Variants in DDX43 observed in about 807,000 individuals in gnomAD.
The protein encoded by DDX43 is DEAD-box helicase 43, also known as probable ATP-dependent RNA helicase DDX43.
Under a neutral mutation model 84.9 loss-of-function variants are expected in DDX43, and 50 were observed. The observed-to-expected ratio is 0.59, with a 90% confidence interval of 0.47 to 0.75. The LOEUF (loss-of-function observed/expected upper bound fraction) is 0.75. Ranked by LOEUF, DDX43 falls within the 30% of genes least tolerant of loss-of-function variation. The pLI is 0.00. For missense variants in DDX43, 689 were observed against 798.6 expected (o/e 0.86, Z 1.65); for synonymous variants, 291 against 266.3 (o/e 1.09, Z -0.90).
At position 73,407,598 on chromosome 6, in the gene DDX43, A is replaced by G; in HGVS notation, c.1020A>G (p.Ser340=). ...TAGAAGGAGAATGTTGCAAATATTC[A>G]TATAAAGGGCTTCGGAGGTAAGTAA... ...LQVEGECCKY[S]YKGLRSVCVY... The change falls in exon 8 of 17, where the codon TCA becomes TCG. Residue 340 remains serine, a synonymous_variant. Coordinates refer to ENST00000370336, the MANE Select transcript of DDX43 (RefSeq NM_018665.3). 1 of 1,611,534 alleles carries G rather than the reference A, an allele frequency of 6.2e-7. No individual in the cohort carries two copies. Among genetic ancestry groups the G allele is most frequent in the Non-Finnish European group, 8.5e-7 (1 of 1,177,794 alleles).
At chr6:73,407,669 A>G (rs1769709779) in intron 8 of DDX43, 54 bp downstream of exon 8, 11 of 1,212,150 alleles carry the variant, frequency 9.1e-6, no homozygotes, top group Admixed American at 7.2e-5. Flanking sequence ...AATCATTTGT[A>G]GCTTTACACA....
Position 73,417,388 on chromosome 6 carries a change from A to C in DDX43, c.*227A>C, listed in dbSNP as rs1769924464. The C allele has an allele frequency of 6.6e-6, 1 of 152,212 alleles. No individual in the cohort carries two copies. The highest frequency in any genetic ancestry group is 6.5e-5 in the Admixed American group (1 of 15,278). The allele number at this position is 152,212 out of a possible 1,614,324, so 9.4% of individuals were successfully genotyped here. ...GATTTTTATTAAGGAGTGTAGCATT[A>C]GAATGTTTTTCTTTTAATCTTTTAA... On this transcript the variant is annotated 3_prime_UTR_variant, in exon 17 of 17. Transcript: ENST00000370336.
Position 73,395,038 on chromosome 6 carries a change from G to A in DDX43, c.133G>A (p.Val45Ile), listed in dbSNP as rs1324422588. The A allele has an allele frequency of 6.2e-7, 1 of 1,614,116 alleles. No individual in the cohort carries two copies. The highest frequency in any genetic ancestry group is 1.3e-5 in the African/African-American group (1 of 74,948). The change falls in exon 1 of 17, where the codon GTC (valine) becomes ATC (isoleucine). Residue 45 changes from valine to isoleucine, a missense_variant. Coordinates refer to ENST00000370336, the MANE Select transcript of DDX43 (RefSeq NM_018665.3). ...TCGAACAGGTCCTGAGGGATATAGT[G>A]TCGGCAGAGGTGGTCGCTGGAGAGG... ...LNRTGPEGYS[V>I]GRGGRWRGTS...
At position 73,412,254 on chromosome 6, in the gene DDX43, G is replaced by C. The variant is rs745817387; in HGVS notation, c.1330G>C (p.Glu444Gln). ...TCGCCTCGCACAATCTTATTTGAAAGAACCAATGATTGTCTATGTTGGTAC... is the reference window on the plus strand; with the variant it reads ...TCGCCTCGCACAATCTTATTTGAAACAACCAATGATTGTCTATGTTGGTAC... ...VHRLAQSYLKEPMIVYVGTLD... is the reference protein window; with the variant it reads ...VHRLAQSYLKQPMIVYVGTLD... Residue 444 changes from glutamate to glutamine, a missense_variant, in exon 11 of 17, where the codon GAA becomes CAA. Glu to Gln is a conservative substitution (Grantham distance 29). Around this residue, in one of 2 missense-constraint regions of DDX43, gnomAD observed 552 missense variants for 692.7 expected, o/e 0.80. Transcript: ENST00000370336. 1 of 1,613,720 alleles carries C rather than the reference G, an allele frequency of 6.2e-7. No individual in the cohort carries two copies. Among genetic ancestry groups the C allele is most frequent in the Admixed American group, 1.7e-5 (1 of 59,944 alleles).
intron 1 of DDX43, 29 bp downstream of exon 1, chr6:73,395,184 G>T: frequency 6.3e-7 from 1 of 1,579,426 alleles, no homozygotes; most frequent in Non-Finnish European, 8.6e-7. Flanking sequence ...GGCAGGGCAG[G>T]ATAGGTGGGG....
intron 16 of DDX43, among the ~76,000 whole-genome samples, chr6:73,416,594 A>G (rs1769908743): frequency 6.6e-6 from 1 of 152,250 alleles, no homozygotes; most frequent in African/African-American, 2.4e-5. Flanking sequence ...GCTTAGAGAA[A>G]TAAGCCAATT....
chr6:73,397,767 C>T, intron 2 of DDX43, 23 bp downstream of exon 2: 1 of 1,605,646 alleles, frequency 6.2e-7, no homozygotes, highest in Non-Finnish European at 8.5e-7. Context: ...TGTTTTTCGG[C>T]CCTTAAGAGA....
rs1274779484 is a variant in DDX43 at position 73,397,704 on chromosome 6, A to G, written c.266A>G (p.Lys89Arg). 1.9e-6 allele frequency: 3 copies of G among 1,613,620 alleles called. No individual in the cohort carries two copies. Among genetic ancestry groups the G allele is most frequent in the Non-Finnish European group, 2.5e-6 (3 of 1,179,578 alleles). ...TTAAAAACAGGTCGTGGTGGGTCAA[A>G]AATAAAGAATATACAAAGTACAACA... The part of the protein sequence containing the change: ...VGAVIGRGGS[K>R]IKNIQSTTNT... Residue 89 changes from lysine (K) to arginine (R), a missense_variant, in exon 2 of 17, where the codon AAA (lysine) becomes AGA (arginine). Around this residue, in one of 2 missense-constraint regions of DDX43, gnomAD observed 552 missense variants for 692.7 expected, o/e 0.80. Transcript: ENST00000370336.
In DDX43 at chr6:73,398,812, A is replaced by C. The variant is rs1455902335; in HGVS notation, c.306+1068A>C. On this transcript the variant is annotated intron_variant, in intron 2 of 16. Coordinates refer to ENST00000370336, the MANE Select transcript of DDX43 (RefSeq NM_018665.3). ...TCCACATTGGTATTTCCTTATTCTC[A>C]TTCACCGCTAGGTCTTGACTATTTC... 2.6e-5 allele frequency among the ~76,000 whole-genome samples: 4 copies of C among 152,240 alleles called. No individual in the cohort carries two copies. The East Asian group carries it at 7.7e-4, about 29-fold the overall frequency.
chr6:73,400,701 A>G (rs886345740), intron 3 of DDX43, among the ~76,000 whole-genome samples: 1 of 152,202 alleles, frequency 6.6e-6, no homozygotes, highest in Non-Finnish European at 1.5e-5. Context: ...GTTAGTGGGT[A>G]GAGTAAGGAT....
intron 6 of DDX43, 112 bp downstream of exon 6, chr6:73,405,947 T>C (rs1325651325): frequency 6.1e-6 from 6 of 990,316 alleles, no homozygotes; most frequent in Non-Finnish European, 8.5e-6. Context: ...ACCAGCACCT[T>C]CTCCCTAGAG....
chr6:73,409,075 G>A (rs1264658663), intron 9 of DDX43, among the ~76,000 whole-genome samples, 173 bp from the exon 10 acceptor site: 2 of 152,210 alleles, frequency 1.3e-5, no homozygotes, highest in Non-Finnish European at 2.9e-5. Context: ...CATGTAGACA[G>A]TGTACAATGA....
intron 10 of DDX43, among the ~76,000 whole-genome samples, chr6:73,411,475 C>T (rs140403159): frequency 5.3e-5 from 8 of 150,106 alleles, no homozygotes; most frequent in Non-Finnish European, 8.9e-5. Flanking sequence ...ATTATAGGCA[C>T]GCACCACCAC....
chr6:73,408,834 G>T (rs763006644), intron 9 of DDX43, among the ~76,000 whole-genome samples: 2 of 152,178 alleles, frequency 1.3e-5, no homozygotes, highest in African/African-American at 4.8e-5. Context: ...GGGATGACAG[G>T]CGTGACCCAA....
intron 1 of DDX43, among the ~76,000 whole-genome samples, chr6:73,397,098 G>C (rs1300942833): frequency 3.3e-5 from 5 of 152,178 alleles, no homozygotes. Context: ...TGGATCATAT[G>C]TTAATTCTGT....
At chr6:73,414,320 C>T (rs1769862141) in intron 13 of DDX43, among the ~76,000 whole-genome samples, 1 of 152,126 alleles carries the variant, frequency 6.6e-6, no homozygotes, top group South Asian at 2.1e-4. Flanking sequence ...CTGAAGTTAT[C>T]TGAAAAATGT....
intron 10 of DDX43, among the ~76,000 whole-genome samples, chr6:73,409,848 T>A (rs560971820): frequency 2.0e-5 from 3 of 152,116 alleles, no homozygotes; most frequent in Non-Finnish European, 4.4e-5. Context: ...CTGGCCAACA[T>A]GGTGAAACCT....
chr6:73,398,219 C>A (rs1769508889), intron 2 of DDX43, among the ~76,000 whole-genome samples: 1 of 152,012 alleles, frequency 6.6e-6, no homozygotes, highest in South Asian at 2.1e-4. Context: ...TTAAGCTGTT[C>A]CAGGTGTAGG....
rs538597626 is a variant in DDX43 at position 73,412,668 on chromosome 6, T to TGTGTGTGTGTGTGTGTGTGTGC, written c.1368+377_1368+378insTGTGTGTGTGTGTGTGTGTGCG. 2.3e-3 allele frequency among the ~76,000 whole-genome samples: 245 copies of TGTGTGTGTGTGTGTGTGTGTGC among 108,376 alleles called. 3 individuals carry two copies. Among genetic ancestry groups the TGTGTGTGTGTGTGTGTGTGTGC allele is most frequent in the African/African-American group, 4.5e-3 (114 of 25,264 alleles). The allele number at this position is 108,376 out of a possible 152,430, so 71.1% of individuals were successfully genotyped here. A position where few individuals can be genotyped will look rare whatever the true frequency, so the allele number is the denominator to read the frequency against. On this transcript the variant is annotated intron_variant, in intron 11 of 16. Coordinates refer to ENST00000370336, the MANE Select transcript of DDX43 (RefSeq NM_018665.3). ...GTGTGTGTGTGTGTGTGTGTGTGTG[T>TGTGTGTGTGTGTGTGTGTGTGC]GCGCGCGCGCGTGTGTGTGTGTGCG...
Sources: gnomAD v4.1 joint callset for allele counts (sites outside exome capture counted in the v4.1 genomes callset) on GRCh38, gnomAD v4.1.1 for gene constraint, gnomAD v4.1.1 regional missense constraint, MANE v1.5 for transcripts, NCBI Gene and HGNC (gene_info 2026-07-23, HGNC 2026-07-21) for gene names.